GPR155: variants seen among roughly 807,000 people sequenced by gnomAD.
The protein encoded by GPR155 is lysosomal cholesterol signaling protein.
GPR155 carries 65 observed loss-of-function variants against 93.1 expected under a neutral mutation model. The ratio of observed to expected loss-of-function variants is 0.70; its 90% CI spans 0.57 to 0.86. The LOEUF is 0.86. GPR155 is among the 40% of genes least tolerant of loss of function. The pLI, the probability that GPR155 is intolerant of heterozygous loss-of-function variation, is 0.00. For missense variants in GPR155, 838 were observed against 1,034.8 expected, an observed-to-expected ratio of 0.81 and a Z score of 2.61; for synonymous variants, 319 against 360.1, an observed-to-expected ratio of 0.89 and a Z score of 1.29.
intron 2 of GPR155, among the ~76,000 whole-genome samples, chr2:174,476,017 C>A (rs1275925426): frequency 6.6e-6 from 1 of 152,160 alleles, no homozygotes; most frequent in Non-Finnish European, 1.5e-5. Flanking sequence ...GCATAATGAA[C>A]TTTACATTGT....
chr2:174,445,279 A>G, intron 12 of GPR155, 103 bp from the exon 13 acceptor site: 3 of 629,038 alleles, frequency 4.8e-6, no homozygotes, highest in South Asian at 3.7e-5. Flanking sequence ...AATTACAGGG[A>G]AAAAGACTAG....
intron 2 of GPR155, among the ~76,000 whole-genome samples, chr2:174,475,118 AC>A (rs1688120096): frequency 6.7e-6 from 1 of 149,584 alleles, no homozygotes; most frequent in African/African-American, 2.5e-5. Flanking sequence ...AAATGGTGAA[AC>A]CCCGTCTCTA....
At chr2:174,447,235 G>A (rs1279943507) in intron 11 of GPR155, among the ~76,000 whole-genome samples, 1 of 151,112 alleles carries the variant, frequency 6.6e-6, no homozygotes, top group Admixed American at 6.6e-5. Flanking sequence ...TACTTGGAAG[G>A]CTGAGGCAGG....
chr2:174,453,077 GAA>G (rs1487456212), intron 11 of GPR155, among the ~76,000 whole-genome samples: 1 of 152,154 alleles, frequency 6.6e-6, no homozygotes, highest in Non-Finnish European at 1.5e-5. Context: ...GAGAATGGGG[GAA>G]AAGTCTGTTT....
At chr2:174,448,530 GTTTTTT>G (rs565221876) in intron 11 of GPR155, among the ~76,000 whole-genome samples, 1 of 100,964 alleles carries the variant, frequency 9.9e-6, no homozygotes, top group Non-Finnish European at 1.9e-5. Context: ...TTTGTTTTTT[GTTTTTT>G]TTTTTTTTTT....
At chr2:174,454,365 G>A (rs533129135) in intron 10 of GPR155, among the ~76,000 whole-genome samples, 12 of 152,218 alleles carry the variant, frequency 7.9e-5, no homozygotes, top group Non-Finnish European at 1.3e-4. Flanking sequence ...TAGAACTCCC[G>A]ACCTCAGGCG....
intron 3 of GPR155, among the ~76,000 whole-genome samples, chr2:174,471,125 A>G (rs1390974634): frequency 6.6e-6 from 1 of 152,046 alleles, no homozygotes; most frequent in Non-Finnish European, 1.5e-5. Context: ...TGGTGGCTCA[A>G]GCCTGTAATC....
chr2:174,481,429 TACTA>T (rs1273970887), intron 2 of GPR155, 64 bp downstream of exon 2: 5 of 917,284 alleles, frequency 5.5e-6, no homozygotes, highest in Non-Finnish European at 8.3e-6. Flanking sequence ...AAGAATCTGT[TACTA>T]ACAAATGCCT....
intron 9 of GPR155, 66 bp from the exon 10 acceptor site, chr2:174,460,154 ATTTTTTT>A (rs11385015): frequency 1.2e-4 from 47 of 399,930 alleles, no homozygotes; most frequent in Middle Eastern, 1.5e-3. Flanking sequence ...CTTAGGGCAC[ATTTTTTT>A]TTTTTTTTTT....
rs867747748 is a variant in GPR155, at chr2:174,445,574, A to C, written c.2014-398T>G. 2.6e-5 allele frequency among the ~76,000 whole-genome samples: 4 copies of C among 152,184 alleles called. No individual in the cohort carries two copies. The South Asian group carries it at 8.3e-4, about 32-fold the overall frequency. ...ATTTTTGTTCTTAAATGGCACTTAA[A>C]GTGGTATTGGCTGATATCACACTAT... is the stretch of plus-strand genomic sequence containing the variant. On this transcript the variant is annotated intron_variant, in intron 12 of 15. Transcript: ENST00000392552.
In GPR155 at chr2:174,481,981, CA is replaced by C. The variant is rs1204459589; in HGVS notation, c.-26del. The stretch of plus-strand genomic sequence containing the variant: ...TTTTCTCTCACCCTCCAACTCCAAC[CA>C]GATCTCTGGAAAGAAAGGAAGAAAG... On this transcript the variant is annotated 5_prime_UTR_variant, in exon 2 of 16. An upstream open reading frame in the 5' UTR loses its in-frame stop. Coordinates refer to ENST00000392552, the MANE Select transcript of GPR155 (RefSeq NM_152529.7). The C allele has an allele frequency of 2.0e-6, 3 of 1,481,796 alleles. No homozygotes were observed. The highest frequency in any genetic ancestry group is 1.9e-6 in the Non-Finnish European group (2 of 1,072,230). 91.8% of individuals were successfully genotyped at this position (1,481,796 alleles called of 1,614,324 possible). A position where few individuals can be genotyped will look rare whatever the true frequency, so the allele number is the denominator to read the frequency against.
At chr2:174,437,188 A>C (rs1212529773) in intron 15 of GPR155, among the ~76,000 whole-genome samples, 1 of 152,228 alleles carries the variant, frequency 6.6e-6, no homozygotes, top group Non-Finnish European at 1.5e-5. Context: ...CGAGTGCTGT[A>C]CATTTCCACA....
intron 15 of GPR155, among the ~76,000 whole-genome samples, chr2:174,439,344 AT>A (rs1218425736): frequency 1.3e-5 from 2 of 152,080 alleles, no homozygotes; most frequent in South Asian, 2.1e-4. Context: ...TTATAAAAAA[AT>A]TTTTTTCCTC....
intron 14 of GPR155, among the ~76,000 whole-genome samples, chr2:174,441,361 G>T (rs1686952855): frequency 6.6e-6 from 1 of 151,420 alleles, no homozygotes; most frequent in Admixed American, 6.6e-5. Flanking sequence ...CAAAGCCTAG[G>T]ATAGGGGCAT....
chr2:174,435,481 T>TTTATTTTATTTTATC lies in GPR155; in HGVS notation c.*634_*635insGATAAAATAAAATAA. Reference sequence around the variant, plus strand: ...TATTAATTATTTTATTTTATTTTATTTTATTTTTGAGATAGAGTCTTGCTC... The same window carrying TTTATTTTATTTTATC: ...TATTAATTATTTTATTTTATTTTATTTTATTTTATTTTATCTTATTTTTGAGATAGAGTCTTGCTC... On this transcript the variant is annotated 3_prime_UTR_variant, in exon 16 of 16. Transcript: ENST00000392552. 1.3e-5 allele frequency: 2 copies of TTTATTTTATTTTATC among 152,090 alleles called. No individual in the cohort carries two copies. Among genetic ancestry groups the TTTATTTTATTTTATC allele is most frequent in the Admixed American group, 1.3e-4 (2 of 15,276 alleles). 9.4% of individuals were successfully genotyped at this position (152,090 alleles called of 1,614,324 possible).
intron 1 of GPR155, among the ~76,000 whole-genome samples, chr2:174,484,247 T>C (rs1351166206): frequency 6.6e-6 from 1 of 152,224 alleles, no homozygotes; most frequent in African/African-American, 2.4e-5. Flanking sequence ...AGCATCAAAT[T>C]ATATCTTGGG....
Position 174,473,018 on chromosome 2 carries a change from C to T in GPR155, c.807G>A (p.Lys269=), listed in dbSNP as rs756348218. 2 of 1,595,422 alleles carry T rather than the reference C, an allele frequency of 1.3e-6. No homozygotes were observed. Among genetic ancestry groups the T allele is most frequent in the East Asian group, 2.2e-5 (1 of 44,790 alleles). ...CTACAAATGCCGACTTCTTCAGTCT[C>T]TTTATTTTTCCCACCATCGTGAGAC... is the stretch of plus-strand genomic sequence containing the variant. The part of the protein sequence containing the change: ...YLGLTMVGKI[K]RLKKSAFVVL... Residue 269 remains lysine, a synonymous_variant, in exon 3 of 16, where the codon AAG becomes AAA. Coordinates refer to ENST00000392552, the MANE Select transcript of GPR155 (RefSeq NM_152529.7).
intron 11 of GPR155, among the ~76,000 whole-genome samples, chr2:174,449,338 A>G (rs925119889): frequency 6.6e-6 from 1 of 152,202 alleles, no homozygotes; most frequent in African/African-American, 2.4e-5. Context: ...CAAAGAACTT[A>G]GAACAGGACT....
chr2:174,467,096 G>C (rs1687859128), intron 5 of GPR155, among the ~76,000 whole-genome samples: 1 of 152,146 alleles, frequency 6.6e-6, no homozygotes, highest in South Asian at 2.1e-4. Context: ...GGTGGAGGTT[G>C]CAGTGAGCCA....
Sources: allele counts gnomAD v4.1 joint callset (sites outside exome capture counted in the v4.1 genomes callset), GRCh38; gene constraint gnomAD v4.1.1; transcripts MANE v1.5; gene names NCBI Gene and HGNC (gene_info 2026-07-23, HGNC 2026-07-21).